Variants in CBY2 observed in about 807,000 individuals in gnomAD.
CBY2 encodes the protein protein chibby homolog 2.
In CBY2, 23 loss-of-function variants were observed where a neutral mutation model predicts 25.3. The ratio of observed to expected loss-of-function variants is 0.91; its 90% CI spans 0.65 to 1.29. CBY2 has a LOEUF of 1.29. Ranked by LOEUF, CBY2 falls within the 50% of genes most tolerant of loss-of-function variation. The probability of loss-of-function intolerance (pLI) is 0.00; values close to 1 mark genes in which losing one functional copy is unlikely to be tolerated. For synonymous variants in CBY2, 279 were observed against 260.2 expected, an observed-to-expected ratio of 1.07 and a Z score of -0.70; for missense variants, 642 against 590.7, an observed-to-expected ratio of 1.09 and a Z score of -0.90.
rs139190091 is a variant in CBY2, at chr13:45,713,643, G to T, written c.618G>T (p.Ser206=). The change falls in exon 3 of 3, where the codon TCG becomes TCT. Residue 206 remains serine, a synonymous_variant. Coordinates refer to ENST00000310521, the MANE Select transcript of CBY2 (RefSeq NM_152719.3). This position sits in a 1 kb window ranked among gnomAD's most constrained non-coding sequence, Gnocchi z 5.0. The stretch of plus-strand genomic sequence containing the variant: ...TCTTCTGGGAGGAGCACAAGGCCTC[G>T]CTGGGCCGAGAGGAGAGCCGGGCCC... The part of the protein sequence containing the change: ...LQVFWEEHKA[S]LGREESRAPS... 1.9e-6 allele frequency: 3 copies of T among 1,613,460 alleles called. No individual in the cohort carries two copies. Among genetic ancestry groups the T allele is most frequent in the Admixed American group, 1.7e-5 (1 of 60,014 alleles).
Position 45,713,910 on chromosome 13 carries a change from G to C in CBY2, c.885G>C (p.Gly295=). ...PSPHEEPCSP[G]LLQDQGSGLS... is the part of the protein sequence containing the mutation. ...CCCACGAGGAGCCCTGCAGCCCCGGGCTGCTGCAGGACCAGGGCTCCGGCC... is the reference window on the plus strand; with the variant it reads ...CCCACGAGGAGCCCTGCAGCCCCGGCCTGCTGCAGGACCAGGGCTCCGGCC... The change falls in exon 3 of 3, where the codon GGG becomes GGC. Residue 295 remains glycine (G), a synonymous_variant. Coordinates refer to ENST00000310521, the MANE Select transcript of CBY2 (RefSeq NM_152719.3). The surrounding 1 kb of genome is among the most constrained non-coding windows in gnomAD (Gnocchi z 5.0). 6.5e-7 allele frequency: 1 copy of C among 1,534,838 alleles called. No homozygotes were observed. The highest frequency in any genetic ancestry group is 1.2e-5 in the South Asian group (1 of 83,808).
rs1359792077 is a variant in CBY2, at chr13:45,714,394, C to T, written c.*22C>T. On this transcript the variant is annotated 3_prime_UTR_variant, in exon 3 of 3. Transcript: ENST00000310521. The stretch of plus-strand genomic sequence containing the variant: ...CTGAGGCCTCGGCCTTGCACCGGGA[C>T]GCCGAGTTTGGGACACCGAACACTG... 7.8e-6 allele frequency: 12 copies of T among 1,543,644 alleles called. No homozygotes were observed. Among genetic ancestry groups the T allele is most frequent in the East Asian group, 2.3e-5 (1 of 43,076 alleles).
Position 45,714,342 on chromosome 13 carries a change from C to A in CBY2, c.1317C>A (p.Ser439Arg), listed in dbSNP as rs748457131. 47 of 1,610,280 alleles carry A rather than the reference C, an allele frequency of 2.9e-5. No individual in the cohort carries two copies. Among genetic ancestry groups the A allele is most frequent in the Middle Eastern group, 1.7e-4 (1 of 6,054 alleles). ...TCTACGCCTTCATGCCGGCCAGGAG[C>A]CAGGACCCCAAGAAGCCTAGCAGGG... Reference protein sequence around the residue: ...EELYAFMPARSQDPKKPSRV With the variant: ...EELYAFMPARRQDPKKPSRV The change falls in exon 3 of 3, where the codon AGC (serine) becomes AGA (arginine). Residue 439 changes from serine (S) to arginine (R), a missense_variant. Transcript: ENST00000310521.
At chr13:45,703,701 C>A in intron 2 of CBY2, 1 of 849,878 alleles carries the variant, frequency 1.2e-6, no homozygotes, top group Non-Finnish European at 1.9e-6. Flanking sequence ...CAGCGGGAGG[C>A]AAAAATATGG....
intron 2 of CBY2, among the ~76,000 whole-genome samples, chr13:45,710,507 A>G (rs1950264006): frequency 1.3e-5 from 2 of 152,308 alleles, no homozygotes; most frequent in South Asian, 2.1e-4. Flanking sequence ...TGGGCGACAG[A>G]GTGAGACTCC....
chr13:45,713,953 G>C lies in CBY2; in HGVS notation c.928G>C (p.Glu310Gln). 1.3e-6 allele frequency: 2 copies of C among 1,529,920 alleles called. No individual in the cohort carries two copies. The highest frequency in any genetic ancestry group is 4.9e-5 in the East Asian group (2 of 40,788). 94.8% of individuals were successfully genotyped at this position (1,529,920 alleles called of 1,614,324 possible). ...CTCCGGCCTCTCCTCCCGCTTCGAG[G>C]AGCCCAAAGGGCCTCCGGCCCGGCA... The part of the protein sequence containing the change: ...QGSGLSSRFE[E>Q]PKGPPARQED... Residue 310 changes from glutamate to glutamine, a missense_variant, in exon 3 of 3, where the codon GAG becomes CAG. Glu to Gln is a conservative substitution (Grantham distance 29). Coordinates refer to ENST00000310521, the MANE Select transcript of CBY2 (RefSeq NM_152719.3). The surrounding 1 kb of genome is among the most constrained non-coding windows in gnomAD (Gnocchi z 5.0).
At position 45,703,688 on chromosome 13, in the gene CBY2, G is replaced by A. The variant is rs1026597342; in HGVS notation, c.156+833G>A. The A allele has an allele frequency of 3.7e-6, 4 of 1,068,428 alleles. No homozygotes were observed. The Admixed American group carries it at 9.4e-5, about 25-fold the overall frequency. The allele number at this position is 1,068,428 out of a possible 1,614,324, so 66.2% of individuals were successfully genotyped here. A position where few individuals can be genotyped will look rare whatever the true frequency, so the allele number is the denominator to read the frequency against. On this transcript the variant is annotated intron_variant, in intron 2 of 2. Coordinates refer to ENST00000310521, the MANE Select transcript of CBY2 (RefSeq NM_152719.3). ...TAATTGTAACAATCTAGGCAAGTAT[G>A]TTCAGCGGGAGGCAAAAATATGGAA...
rs753917305 is a variant in CBY2, at chr13:45,714,337, A to G, written c.1312A>G (p.Arg438Gly). 4.5e-5 allele frequency: 73 copies of G among 1,611,286 alleles called. 1 individual carries two copies. Among genetic ancestry groups the G allele is most frequent in the Non-Finnish European group, 5.8e-5 (68 of 1,178,960 alleles). Residue 438 changes from arginine (R) to glycine (G), a missense_variant, in exon 3 of 3, where the codon AGG becomes GGG. Physicochemically the swap from Arg to Gly is moderately radical, Grantham distance 125 (BLOSUM62 -2). Transcript: ENST00000310521. ...IEELYAFMPA[R>G]SQDPKKPSRV is the part of the protein sequence containing the mutation. ...GGAGCTCTACGCCTTCATGCCGGCCAGGAGCCAGGACCCCAAGAAGCCTAG... is the reference window on the plus strand; with the variant it reads ...GGAGCTCTACGCCTTCATGCCGGCCGGGAGCCAGGACCCCAAGAAGCCTAG...
rs754794243 is a variant in CBY2, at chr13:45,702,899, G to A, written c.156+44G>A. 3 of 1,461,058 alleles carry A rather than the reference G, an allele frequency of 2.1e-6. No individual in the cohort carries two copies. In the South Asian group the frequency reaches 3.5e-5, roughly 17 times the overall value. The allele number at this position is 1,461,058 out of a possible 1,614,324, so 90.5% of individuals were successfully genotyped here. A position where few individuals can be genotyped will look rare whatever the true frequency, so the allele number is the denominator to read the frequency against. On this transcript the variant is annotated intron_variant, in intron 2 of 2. Coordinates refer to ENST00000310521, the MANE Select transcript of CBY2 (RefSeq NM_152719.3). ...GGATGTAACCTATCAGTGTTAGCCA[G>A]AATAACCCCCCATCTCCTCCTTCAA...
At chr13:45,710,281 T>G (rs61953009) in intron 2 of CBY2, among the ~76,000 whole-genome samples, 18,081 of 152,030 alleles carry the variant, frequency 0.12, 1,354 homozygotes, top group Non-Finnish European at 0.16. Context: ...TCCTAGCACT[T>G]TGGGAGGCAG....
In CBY2 at chr13:45,713,859, C is replaced by A; in HGVS notation, c.834C>A (p.Ala278=). 2 of 1,516,950 alleles carry A rather than the reference C, an allele frequency of 1.3e-6. No homozygotes were observed. The highest frequency in any genetic ancestry group is 1.4e-5 in the African/African-American group (1 of 72,208). 94.0% of individuals were successfully genotyped at this position (1,516,950 alleles called of 1,614,324 possible). A position where few individuals can be genotyped will look rare whatever the true frequency, so the allele number is the denominator to read the frequency against. Residue 278 remains alanine, a synonymous_variant, in exon 3 of 3, where the codon GCC becomes GCA. Coordinates refer to ENST00000310521, the MANE Select transcript of CBY2 (RefSeq NM_152719.3). The surrounding 1 kb of genome is among the most constrained non-coding windows in gnomAD (Gnocchi z 5.0). Reference sequence around the variant, plus strand: ...AGGCAGAGGACACGGCCGCCCCTGCCGAGGAAAGCAAGCCCGCCCCCTCAC... The same window carrying A: ...AGGCAGAGGACACGGCCGCCCCTGCAGAGGAAAGCAAGCCCGCCCCCTCAC... ...WAQAEDTAAP[A]EESKPAPSPH...
Position 45,714,158 on chromosome 13 carries a change from A to G in CBY2, c.1133A>G (p.Glu378Gly). Reference sequence around the variant, plus strand: ...CTCAAGGAGAACCGGCTCCTGCAGGAGGAGAACAGGACCCTGCAGGTGCTA... The same window carrying G: ...CTCAAGGAGAACCGGCTCCTGCAGGGGGAGAACAGGACCCTGCAGGTGCTA... Reference protein sequence around the residue: ...ALLKENRLLQEENRTLQVLRA... With the variant: ...ALLKENRLLQGENRTLQVLRA... Residue 378 changes from glutamate (E) to glycine (G), a missense_variant, in exon 3 of 3, where the codon GAG (glutamate) becomes GGG (glycine). Transcript: ENST00000310521. 1 of 1,604,784 alleles carries G rather than the reference A, an allele frequency of 6.2e-7. No homozygotes were observed. Among genetic ancestry groups the G allele is most frequent in the Non-Finnish European group, 8.5e-7 (1 of 1,175,884 alleles).
chr13:45,709,510 G>C (rs1029444806), intron 2 of CBY2, among the ~76,000 whole-genome samples: 2 of 152,168 alleles, frequency 1.3e-5, no homozygotes, highest in Non-Finnish European at 2.9e-5. Flanking sequence ...ATTTGAACAT[G>C]GGCTCAGTAT....
rs937918224 is a variant in CBY2 at position 45,713,173 on chromosome 13, C to G, written c.157-9C>G. The G allele has an allele frequency of 1.1e-5, 18 of 1,600,056 alleles. No homozygotes were observed. The highest frequency in any genetic ancestry group is 1.5e-5 in the Non-Finnish European group (17 of 1,171,766). ...CGTTAACGCTGGGCTTTCCCATTCT[C>G]TCCCGCAGAGGGGCACAGCCGAACC... On this transcript the variant is annotated splice_polypyrimidine_tract_variant and intron_variant, in intron 2 of 2. Coordinates refer to ENST00000310521, the MANE Select transcript of CBY2 (RefSeq NM_152719.3). The surrounding 1 kb of genome is among the most constrained non-coding windows in gnomAD (Gnocchi z 5.0).
In CBY2 at chr13:45,702,861, G is replaced by T; in HGVS notation, c.156+6G>T. The T allele has an allele frequency of 1.3e-6, 2 of 1,599,466 alleles. No homozygotes were observed. The highest frequency in any genetic ancestry group is 1.7e-6 in the Non-Finnish European group (2 of 1,166,708). ...TCAGTGTGGTTCTACCTCAGGTAGG[G>T]ATAATCACAGAAGGATGTAACCTAT... On this transcript the variant is annotated splice_donor_region_variant and intron_variant, in intron 2 of 2. Transcript: ENST00000310521.
At chr13:45,708,846 G>A (rs955071950) in intron 2 of CBY2, among the ~76,000 whole-genome samples, 6 of 152,196 alleles carry the variant, frequency 3.9e-5, no homozygotes, top group Non-Finnish European at 5.9e-5. Flanking sequence ...GAGGATAGGA[G>A]GAAAGATAAT....
Position 45,713,409 on chromosome 13 carries a change from C to T in CBY2, c.384C>T (p.Phe128=). The T allele has an allele frequency of 6.2e-7, 1 of 1,614,190 alleles. No individual in the cohort carries two copies. ...PPRVQLSDEM[F]VFQDGRWVNE... The stretch of plus-strand genomic sequence containing the variant: ...GGGTGCAGCTCAGCGACGAGATGTT[C>T]GTGTTCCAGGACGGGCGCTGGGTAA... The change falls in exon 3 of 3, where the codon TTC becomes TTT. Residue 128 remains phenylalanine (F), a synonymous_variant. Coordinates refer to ENST00000310521, the MANE Select transcript of CBY2 (RefSeq NM_152719.3). This position sits in a 1 kb window ranked among gnomAD's most constrained non-coding sequence, Gnocchi z 5.0.
Position 45,708,547 on chromosome 13 carries a change from G to C in CBY2, c.157-4635G>C, listed in dbSNP as rs369326231. On this transcript the variant is annotated intron_variant, in intron 2 of 2. Coordinates refer to ENST00000310521, the MANE Select transcript of CBY2 (RefSeq NM_152719.3). ...ACATCCTGAGTGGGTACATGACTAG[G>C]GTGAAGAATTTTCACAAGGCCAAGA... Among the ~76,000 whole-genome samples the C allele has an allele frequency of 1.2e-4, 18 of 152,230 alleles. No homozygotes were observed. In the East Asian group the frequency reaches 1.5e-3, roughly 13 times the overall value.
In CBY2 at chr13:45,705,738, C is replaced by G. The variant is rs552864480; in HGVS notation, c.156+2883C>G. Among the ~76,000 whole-genome samples the G allele has an allele frequency of 9.2e-5, 14 of 152,332 alleles. 1 individual carries two copies. The South Asian group carries it at 2.5e-3, about 27-fold the overall frequency. ...TGATAATGAGACTCAGCCTTGTCAT[C>G]TCATATGAAAATCAGTATCATATTT... On this transcript the variant is annotated intron_variant, in intron 2 of 2. Transcript: ENST00000310521.
Sources: gnomAD v4.1 joint callset for allele counts (sites outside exome capture counted in the v4.1 genomes callset) on GRCh38, gnomAD v4.1.1 for gene constraint, Gnocchi (gnomAD v3.1) non-coding constraint, MANE v1.5 for transcripts, NCBI Gene and HGNC (gene_info 2026-07-23, HGNC 2026-07-21) for gene names.